TAF4B: variants seen among roughly 807,000 people sequenced by gnomAD.
The protein encoded by TAF4B is transcription initiation factor TFIID subunit 4B.
In TAF4B, 38 loss-of-function variants were observed where a neutral mutation model predicts 86.4. That is an observed-to-expected ratio of 0.44 (90% CI 0.34 to 0.58). The LOEUF (loss-of-function observed/expected upper bound fraction) is 0.58, where lower values mean the gene tolerates loss of function less well. TAF4B is among the 20% of genes least tolerant of loss of function. TAF4B has a pLI of 0.02. For missense variants in TAF4B, 988 were observed against 1,027.6 expected, an observed-to-expected ratio of 0.96 and a Z score of 0.53; for synonymous variants, 388 against 391.2, an observed-to-expected ratio of 0.99 and a Z score of 0.10.
At chr18:26,343,656 G>C (rs1456330609) in intron 13 of TAF4B, among the ~76,000 whole-genome samples, 2 of 152,150 alleles carry the variant, frequency 1.3e-5, no homozygotes, top group African/African-American at 4.8e-5. Flanking sequence ...AAGTGTACAG[G>C]TCCACTTATA....
At chr18:26,357,196 G>T (rs756501987) in intron 13 of TAF4B, among the ~76,000 whole-genome samples, 2 of 152,112 alleles carry the variant, frequency 1.3e-5, no homozygotes, top group Non-Finnish European at 2.9e-5. Context: ...AAAAGAGGAT[G>T]ATGTATAATT....
chr18:26,356,573 A>G (rs1265261281), intron 13 of TAF4B, among the ~76,000 whole-genome samples: 1 of 152,126 alleles, frequency 6.6e-6, no homozygotes, highest in Non-Finnish European at 1.5e-5. Flanking sequence ...GAATATTCTC[A>G]GTACATGTAT....
In TAF4B at chr18:26,378,203, A is replaced by G. The variant is rs370741403; in HGVS notation, c.2422-11642A>G. The stretch of plus-strand genomic sequence containing the variant: ...GGGCCAGCAGTACTAAACATTGCAC[A>G]TCGTGAGGGGGCAAATTCACTTAAT... On this transcript the variant is annotated intron_variant, in intron 14 of 14. Coordinates refer to ENST00000269142, the MANE Select transcript of TAF4B (RefSeq NM_005640.3). Among the ~76,000 whole-genome samples, 22 of 152,268 alleles carry G rather than the reference A, an allele frequency of 1.4e-4. No individual in the cohort carries two copies. The East Asian group carries it at 4.2e-3, about 29-fold the overall frequency.
chr18:26,246,347 G>T (rs2055923995), intron 1 of TAF4B, among the ~76,000 whole-genome samples: 1 of 152,116 alleles, frequency 6.6e-6, no homozygotes, highest in East Asian at 1.9e-4. Flanking sequence ...TTCAGTCCGA[G>T]ACCACAGAAT....
chr18:26,334,501 C>T (rs1488459231), intron 12 of TAF4B, among the ~76,000 whole-genome samples: 3 of 152,112 alleles, frequency 2.0e-5, no homozygotes, highest in African/African-American at 7.2e-5. Flanking sequence ...ATAAAGTTCC[C>T]TACCCTTTGT....
chr18:26,352,258 A>G (rs1243428811), intron 13 of TAF4B, among the ~76,000 whole-genome samples: 1 of 152,090 alleles, frequency 6.6e-6, no homozygotes, highest in Admixed American at 6.6e-5. Flanking sequence ...TAATGGAACT[A>G]TATCTTTAAG....
chr18:26,270,963 T>G (rs753752923), intron 3 of TAF4B, among the ~76,000 whole-genome samples: 7 of 152,244 alleles, frequency 4.6e-5, no homozygotes, highest in Non-Finnish European at 1.0e-4. Context: ...GATATTTTTG[T>G]GTGGACCATT....
chr18:26,382,346 A>T (rs1390527766), intron 14 of TAF4B, among the ~76,000 whole-genome samples: 1 of 152,224 alleles, frequency 6.6e-6, no homozygotes, highest in Admixed American at 6.5e-5. Flanking sequence ...CAGCTTGGCC[A>T]TAGGAAATAA....
Position 26,311,882 on chromosome 18 carries a change from TAGA to T in TAF4B, c.1833-3340_1833-3338del, listed in dbSNP as rs533164491. ...GCTGTTGTTAGAGAAGTTAAGGGGATAGAAGAAGACATTGTAAGAAGGCAGGCA... is the reference window on the plus strand; with the variant it reads ...GCTGTTGTTAGAGAAGTTAAGGGGATAGAAGACATTGTAAGAAGGCAGGCA... On this transcript the variant is annotated intron_variant, in intron 9 of 14. Coordinates refer to ENST00000269142, the MANE Select transcript of TAF4B (RefSeq NM_005640.3). 2.0e-3 allele frequency among the ~76,000 whole-genome samples: 309 copies of T among 152,238 alleles called. 1 individual carries two copies. The highest frequency in any genetic ancestry group is 7.2e-3 in the African/African-American group (299 of 41,552).
At chr18:26,250,138 T>C (rs1473483990) in intron 1 of TAF4B, among the ~76,000 whole-genome samples, 1 of 151,778 alleles carries the variant, frequency 6.6e-6, no homozygotes, top group Non-Finnish European at 1.5e-5. Context: ...TGAGCTCAAG[T>C]GTTCCTTGCC....
At chr18:26,274,146 G>A (rs556897535) in intron 3 of TAF4B, among the ~76,000 whole-genome samples, 34 of 152,218 alleles carry the variant, frequency 2.2e-4, no homozygotes, top group Non-Finnish European at 4.0e-4. Flanking sequence ...GTGAATATAA[G>A]ATACCACGTT....
chr18:26,228,624 C>CAA (rs11401538), intron 1 of TAF4B, among the ~76,000 whole-genome samples: 61 of 146,276 alleles, frequency 4.2e-4, no homozygotes, highest in Middle Eastern at 3.5e-3. Flanking sequence ...TATAAATAGT[C>CAA]AAAAAAAAAA....
chr18:26,259,035 T>G (rs1396646758), intron 1 of TAF4B, among the ~76,000 whole-genome samples: 1 of 152,006 alleles, frequency 6.6e-6, no homozygotes, highest in African/African-American at 2.4e-5. Context: ...TTTTCTTTGT[T>G]TTTGAACATT....
At chr18:26,242,490 G>C (rs541036439) in intron 1 of TAF4B, among the ~76,000 whole-genome samples, 1 of 152,236 alleles carries the variant, frequency 6.6e-6, no homozygotes, top group East Asian at 1.9e-4. Flanking sequence ...CTGCACGTGA[G>C]ATGGGTCTCC....
chr18:26,366,824 CATT>C (rs2057375118), intron 14 of TAF4B, among the ~76,000 whole-genome samples: 1 of 152,138 alleles, frequency 6.6e-6, no homozygotes, highest in African/African-American at 2.4e-5. Flanking sequence ...CTAATACAAT[CATT>C]ATATATACAT....
chr18:26,377,210 C>T (rs1209556781), intron 14 of TAF4B, among the ~76,000 whole-genome samples: 3 of 152,030 alleles, frequency 2.0e-5, no homozygotes, highest in Non-Finnish European at 2.9e-5. Flanking sequence ...AGAAAGTGTT[C>T]CCTCCTCTCC....
chr18:26,337,526 G>A lies in TAF4B; in HGVS notation c.2316+2295G>A, dbSNP rs535729525. ...CAGCCTCCACCTCCCAGGTTCAAGC[G>A]ATTCTCCAGCCTCAGCCTCCCGAGT... is the stretch of plus-strand genomic sequence containing the variant. On this transcript the variant is annotated intron_variant, in intron 13 of 14. Coordinates refer to ENST00000269142, the MANE Select transcript of TAF4B (RefSeq NM_005640.3). Among the ~76,000 whole-genome samples the A allele has an allele frequency of 1.0e-4, 15 of 150,088 alleles. 1 individual carries two copies. The South Asian group carries it at 3.2e-3, about 32-fold the overall frequency.
At chr18:26,373,370 C>T (rs2057419705) in intron 14 of TAF4B, among the ~76,000 whole-genome samples, 1 of 152,130 alleles carries the variant, frequency 6.6e-6, no homozygotes, top group South Asian at 2.1e-4. Flanking sequence ...CTTCCCAGGT[C>T]CCTTTCCTGT....
intron 7 of TAF4B, among the ~76,000 whole-genome samples, chr18:26,289,713 G>A (rs192480605): frequency 7.1e-4 from 108 of 152,228 alleles, no homozygotes; most frequent in African/African-American, 2.0e-3. Flanking sequence ...AGTCTTGAAC[G>A]CCTGAGCTCA....
Sources: gnomAD v4.1 joint callset for allele counts (sites outside exome capture counted in the v4.1 genomes callset) on GRCh38, gnomAD v4.1.1 for gene constraint, MANE v1.5 for transcripts, NCBI Gene and HGNC (gene_info 2026-07-23, HGNC 2026-07-21) for gene names.